HOMER1: variants seen among roughly 807,000 people sequenced by gnomAD.
HOMER1 encodes homer protein homolog 1.
HOMER1 carries 3 observed loss-of-function variants against 48.9 expected under a neutral mutation model. The observed-to-expected ratio is 0.06, with a 90% CI of 0.03 to 0.16. HOMER1 has a LOEUF of 0.16. HOMER1 is among the 10% of genes least tolerant of loss of function. HOMER1 has a pLI of 1.00. For synonymous variants in HOMER1, 134 were observed against 146.4 expected, an observed-to-expected ratio of 0.92 and a Z score of 0.61; for missense variants, 247 against 411.4, an observed-to-expected ratio of 0.60 and a Z score of 3.46.
At chr5:79,501,857 C>T (rs568381997) in intron 1 of HOMER1, among the ~76,000 whole-genome samples, 1 of 152,208 alleles carries the variant, frequency 6.6e-6, no homozygotes, top group East Asian at 1.9e-4. Context: ...ACTCTAATAA[C>T]TGACAAGAGA....
At chr5:79,409,084 GAAAAA>G (rs772069998) in intron 5 of HOMER1, among the ~76,000 whole-genome samples, 1 of 109,576 alleles carries the variant, frequency 9.1e-6, no homozygotes, top group Non-Finnish European at 1.7e-5. Context: ...TTTGTCTTGA[GAAAAA>G]AAAAAAAATT....
chr5:79,398,874 C>T (rs1024972969), intron 6 of HOMER1, among the ~76,000 whole-genome samples: 5 of 152,186 alleles, frequency 3.3e-5, no homozygotes, highest in Non-Finnish European at 7.4e-5. Flanking sequence ...TCTCTTGCCT[C>T]TGAAAACCAC....
At chr5:79,427,575 G>A (rs1259820057) in intron 5 of HOMER1, among the ~76,000 whole-genome samples, 1 of 152,142 alleles carries the variant, frequency 6.6e-6, no homozygotes, top group East Asian at 1.9e-4. Context: ...TTTTGGTAGA[G>A]ACGGGGTTTT....
At chr5:79,406,301 G>A (rs528754348) in intron 5 of HOMER1, among the ~76,000 whole-genome samples, 12 of 152,276 alleles carry the variant, frequency 7.9e-5, no homozygotes, top group African/African-American at 2.2e-4. Flanking sequence ...TATACTATAC[G>A]TTAATGATAA....
At chr5:79,423,595 T>C (rs1750162985) in intron 5 of HOMER1, among the ~76,000 whole-genome samples, 1 of 152,156 alleles carries the variant, frequency 6.6e-6, no homozygotes, top group Admixed American at 6.5e-5. Context: ...CCTTATGTAA[T>C]GGGTTCTTTT....
intron 8 of HOMER1, among the ~76,000 whole-genome samples, chr5:79,389,285 A>T (rs1194018690): frequency 1.3e-5 from 2 of 152,170 alleles, no homozygotes; most frequent in Non-Finnish European, 2.9e-5. Context: ...AAAAAAGTTT[A>T]AATAAGCAAG....
chr5:79,386,265 T>A (rs1048441393), intron 8 of HOMER1, among the ~76,000 whole-genome samples: 1 of 152,210 alleles, frequency 6.6e-6, no homozygotes, highest in African/African-American at 2.4e-5. Flanking sequence ...ATATATACAA[T>A]GGAATATTAT....
At chr5:79,397,418 G>C in intron 7 of HOMER1, 109 bp downstream of exon 7, 1 of 717,600 alleles carries the variant, frequency 1.4e-6, no homozygotes, top group Non-Finnish European at 2.4e-6. Flanking sequence ...CTAAAAAAGA[G>C]GTCACAACCT....
intron 1 of HOMER1, among the ~76,000 whole-genome samples, chr5:79,467,422 A>T (rs1751502440): frequency 6.6e-6 from 1 of 151,314 alleles, no homozygotes; most frequent in Admixed American, 6.6e-5. Context: ...AACTAATGAA[A>T]TGCTATAAAG....
At chr5:79,424,379 G>A (rs772079817) in intron 5 of HOMER1, among the ~76,000 whole-genome samples, 1 of 151,674 alleles carries the variant, frequency 6.6e-6, no homozygotes, top group African/African-American at 2.4e-5. Flanking sequence ...AAAGCTCTTG[G>A]TTAAAAAAAA....
chr5:79,379,115 A>ATATATATAT lies in HOMER1; in HGVS notation c.877-2919_877-2918insATATATATA, dbSNP rs1349080228. On this transcript the variant is annotated intron_variant, in intron 8 of 8. Coordinates refer to ENST00000334082, the MANE Select transcript of HOMER1 (RefSeq NM_004272.5). The stretch of plus-strand genomic sequence containing the variant: ...ATATATATATATATATATATATATA[A>ATATATATAT]AATATATAAATATTTATTTATATAT... 2.6e-3 allele frequency among the ~76,000 whole-genome samples: 146 copies of ATATATATAT among 55,590 alleles called. 10 individuals carry two copies. The highest frequency in any genetic ancestry group is 5.6e-3 in the African/African-American group (78 of 13,986). The allele number at this position is 55,590 out of a possible 152,430, so 36.5% of individuals were successfully genotyped here. A position where few individuals can be genotyped will look rare whatever the true frequency, so the allele number is the denominator to read the frequency against.
At chr5:79,400,345 CCTTTT>C (rs1227812136) in intron 6 of HOMER1, among the ~76,000 whole-genome samples, 7 of 151,526 alleles carry the variant, frequency 4.6e-5, no homozygotes, top group Admixed American at 1.3e-4. Flanking sequence ...AACTGCATTT[CCTTTT>C]CTTTCTTTTT....
At chr5:79,431,525 G>A (rs1750425019) in intron 5 of HOMER1, among the ~76,000 whole-genome samples, 1 of 152,214 alleles carries the variant, frequency 6.6e-6, no homozygotes, top group East Asian at 1.9e-4. Flanking sequence ...GGGGTGGGGA[G>A]TAACGAAAAT....
chr5:79,397,553 C>G lies in HOMER1; in HGVS notation c.769G>C (p.Glu257Gln), dbSNP rs1243422404. The G allele has an allele frequency of 6.2e-7, 1 of 1,604,780 alleles. No homozygotes were observed. The highest frequency in any genetic ancestry group is 8.5e-7 in the Non-Finnish European group (1 of 1,173,646). Residue 257 changes from glutamate to glutamine, a missense_variant, in exon 7 of 9, where the codon GAA becomes CAA. By Grantham distance (29) the Glu-to-Gln change is conservative. Coordinates refer to ENST00000334082, the MANE Select transcript of HOMER1 (RefSeq NM_004272.5). ...TELNQTIQEL[E>Q]ETLKLKEEEI... is the part of the protein sequence containing the mutation. ...TCTTCCTTCAGTTTCAGTGTCTCTT[C>G]CAGTTCTTGTATTGTCTGATTTAAT...
intron 1 of HOMER1, among the ~76,000 whole-genome samples, chr5:79,472,528 G>T (rs367691622): frequency 3.7e-4 from 57 of 152,096 alleles, no homozygotes; most frequent in African/African-American, 1.4e-3. Flanking sequence ...TGTATTCCCA[G>T]GAATGGGAGG....
intron 5 of HOMER1, among the ~76,000 whole-genome samples, chr5:79,406,177 A>G (rs904729095): frequency 1.3e-5 from 2 of 152,220 alleles, no homozygotes; most frequent in Admixed American, 1.3e-4. Flanking sequence ...TGTTTAGAGT[A>G]GGTTACTAGA....
chr5:79,396,557 T>A (rs1749389772), intron 8 of HOMER1, among the ~76,000 whole-genome samples: 1 of 152,090 alleles, frequency 6.6e-6, no homozygotes, highest in East Asian at 1.9e-4. Context: ...CCAGAGTATT[T>A]TTTTTTAATT....
At chr5:79,400,406 G>A (rs1444693883) in intron 6 of HOMER1, among the ~76,000 whole-genome samples, 6 of 148,798 alleles carry the variant, frequency 4.0e-5, no homozygotes, top group African/African-American at 1.5e-4. Context: ...CCAAGCTGGA[G>A]TATGCAGTGG....
intron 1 of HOMER1, among the ~76,000 whole-genome samples, chr5:79,487,414 G>T (rs768967361): frequency 9.8e-5 from 15 of 152,296 alleles, no homozygotes; most frequent in African/African-American, 3.6e-4. Context: ...CCTGTGTAAC[G>T]CAACAGGCAA....
Sources: gnomAD v4.1 joint callset for allele counts (sites outside exome capture counted in the v4.1 genomes callset) on GRCh38, gnomAD v4.1.1 for gene constraint, MANE v1.5 for transcripts, NCBI Gene and HGNC (gene_info 2026-07-23, HGNC 2026-07-21) for gene names.